FGA: variants seen among roughly 807,000 people sequenced by gnomAD.
FGA encodes fibrinogen, A alpha polypeptide.
In FGA, 20 loss-of-function variants were observed where a neutral mutation model predicts 20.3. That is an observed-to-expected ratio of 0.99 (90% CI 0.69 to 1.43). The LOEUF is 1.43. FGA is among the 40% of genes most tolerant of loss of function. The probability of loss-of-function intolerance (pLI) is 0.00; values close to 1 mark genes in which losing one functional copy is unlikely to be tolerated. For synonymous variants in FGA, 306 were observed against 281.6 expected, an observed-to-expected ratio of 1.09 and a Z score of -0.87; for missense variants, 777 against 784.7, an observed-to-expected ratio of 0.99 and a Z score of 0.12.
chr4:154,586,130 C>A lies in FGA; in HGVS notation c.1299G>T (p.Leu433=). Residue 433 remains leucine (L), a synonymous_variant, in exon 5 of 5, where the codon CTG becomes CTT. Transcript: ENST00000403106. ...GTRREYHTEK[L]VTSKGDKELR... The stretch of plus-strand genomic sequence containing the variant: ...GCTCTTTATCTCCTTTAGAAGTGAC[C>A]AGTTTTTCTGTGTGGTACTCTCTCC... 1 of 1,614,146 alleles carries A rather than the reference C, an allele frequency of 6.2e-7. No homozygotes were observed. Among genetic ancestry groups the A allele is most frequent in the Non-Finnish European group, 8.5e-7 (1 of 1,180,008 alleles).
In FGA at chr4:154,590,689, T is replaced by A. The variant is rs1460173150; in HGVS notation, c.-2A>T. The A allele has an allele frequency of 1.9e-6, 3 of 1,554,938 alleles. No individual in the cohort carries two copies. The South Asian group carries it at 3.6e-5, about 18-fold the overall frequency. ...GCAGACGATCCTCATGGAAAACATCTTTTCTAAGGGTGGGGCTGGCTCCTG... is the reference window on the plus strand; with the variant it reads ...GCAGACGATCCTCATGGAAAACATCATTTCTAAGGGTGGGGCTGGCTCCTG... On this transcript the variant is annotated 5_prime_UTR_variant, in exon 1 of 5. The change creates a new upstream start codon in the 5' untranslated region. Transcript: ENST00000403106.
rs1410172894 is a variant in FGA at position 154,587,670 on chromosome 4, A to G, written c.365-13T>C. ...GTATTATCACGGTCTGAAATCGAAA[A>G]TATGGTTATTGAAGTAGCTGCTGAG... On this transcript the variant is annotated splice_polypyrimidine_tract_variant and intron_variant, in intron 3 of 4. Coordinates refer to ENST00000403106, the MANE Select transcript of FGA (RefSeq NM_021871.4). 1 of 1,612,958 alleles carries G rather than the reference A, an allele frequency of 6.2e-7. No individual in the cohort carries two copies. Among genetic ancestry groups the G allele is most frequent in the East Asian group, 2.2e-5 (1 of 44,860 alleles).
chr4:154,584,437 C>A (rs774280341), downstream of FGA: 2 of 1,614,156 alleles, frequency 1.2e-6, no homozygotes, highest in Non-Finnish European at 1.7e-6. Context: ...CAGAGCATCA[C>A]CCGCAGTGCC....
At chr4:154,587,881 A>C (rs567459765) in intron 3 of FGA, among the ~76,000 whole-genome samples, 16 of 152,272 alleles carry the variant, frequency 1.1e-4, no homozygotes, top group African/African-American at 3.8e-4. Context: ...TGAGTTCAAA[A>C]CCTATGGGGC....
rs1476640443 is a variant in FGA at position 154,589,069 on chromosome 4, C to T, written c.181-93G>A. On this transcript the variant is annotated intron_variant, in intron 2 of 4. Transcript: ENST00000403106. Reference sequence around the variant, plus strand: ...CCATGCAGCCCCCATTTCTTCCTACCCTATCTCTTCCAGATAAGTTGGCTT... The same window carrying T: ...CCATGCAGCCCCCATTTCTTCCTACTCTATCTCTTCCAGATAAGTTGGCTT... 7.8e-6 allele frequency: 9 copies of T among 1,147,614 alleles called. No individual in the cohort carries two copies. In the East Asian group the frequency reaches 2.2e-4, roughly 28 times the overall value. The allele number at this position is 1,147,614 out of a possible 1,614,324, so 71.1% of individuals were successfully genotyped here.
chr4:154,585,347 G>A lies in FGA; in HGVS notation c.*147C>T. 1 of 1,108,252 alleles carries A rather than the reference G, an allele frequency of 9.0e-7. No individual in the cohort carries two copies. The highest frequency in any genetic ancestry group is 1.3e-6 in the Non-Finnish European group (1 of 789,632). The allele number at this position is 1,108,252 out of a possible 1,614,324, so 68.7% of individuals were successfully genotyped here. On this transcript the variant is annotated 3_prime_UTR_variant, in exon 5 of 5. Coordinates refer to ENST00000403106, the MANE Select transcript of FGA (RefSeq NM_021871.4). ...GTTAGGCATTTGGGAATACAGAGAT[G>A]AGACAGACAAAGGCCCTGCCCCCAA...
Position 154,585,621 on chromosome 4 carries a change from A to G in FGA, c.1808T>C (p.Met603Thr). The G allele has an allele frequency of 1.2e-6, 2 of 1,614,156 alleles. No individual in the cohort carries two copies. Among genetic ancestry groups the G allele is most frequent in the Non-Finnish European group, 1.7e-6 (2 of 1,180,022 alleles). The change falls in exon 5 of 5, where the codon ATG becomes ACG. Residue 603 changes from methionine to threonine, a missense_variant. Coordinates refer to ENST00000403106, the MANE Select transcript of FGA (RefSeq NM_021871.4). The part of the protein sequence containing the change: ...DSTFESKSYK[M>T]ADEAGSEADH... The stretch of plus-strand genomic sequence containing the variant: ...GGCTTCACTTCCGGCCTCATCTGCC[A>G]TTTTATAGCTCTTGCTTTCAAATGT...
intron 1 of FGA, among the ~76,000 whole-genome samples, chr4:154,590,288 C>T (rs1316606155): frequency 6.6e-6 from 1 of 152,162 alleles, no homozygotes; most frequent in Non-Finnish European, 1.5e-5. Flanking sequence ...ATGTTTTATT[C>T]CATTAACTAG....
Position 154,585,506 on chromosome 4 carries a change from G to A in FGA, c.1923C>T (p.Ser641=), listed in dbSNP as rs778393751. 3.1e-6 allele frequency: 5 copies of A among 1,595,204 alleles called. No individual in the cohort carries two copies. In the South Asian group the frequency reaches 5.5e-5, roughly 18 times the overall value. ...TATTTAACTTAGTCTAGGGGGACAG[G>A]GAAGGCTTCCCCAAAGGAGAAGTGT... The part of the protein sequence containing the change: ...GIHTSPLGKP[S]LSP Residue 641 remains serine, a synonymous_variant, in exon 5 of 5, where the codon TCC becomes TCT. Transcript: ENST00000403106.
At chr4:154,584,286 T>G (rs752380054), downstream of FGA, 7 of 1,614,136 alleles carry the variant, frequency 4.3e-6, no homozygotes, top group East Asian at 1.3e-4. Flanking sequence ...GATTGGCTGC[T>G]TGGCAGTTAT....
intron 1 of FGA, 77 bp downstream of exon 1, chr4:154,590,557 G>A (rs1730843353): frequency 8.2e-7 from 1 of 1,224,744 alleles, no homozygotes; most frequent in Non-Finnish European, 1.2e-6. Flanking sequence ...CATAGAGCAG[G>A]TAGACTCTGA....
chr4:154,586,013 A>G lies in FGA; in HGVS notation c.1416T>C (p.Pro472=), dbSNP rs1174655836. ...SKTVTKTVIG[P]DGHKEVTKEV... ...CTTTGGTAACTTCTTTGTGACCATC[A>G]GGACCAATAACAGTCTTAGTAACGG... Residue 472 remains proline (P), a synonymous_variant, in exon 5 of 5, where the codon CCT becomes CCC. Transcript: ENST00000403106. 6.2e-7 allele frequency: 1 copy of G among 1,614,190 alleles called. No homozygotes were observed. The highest frequency in any genetic ancestry group is 8.5e-7 in the Non-Finnish European group (1 of 1,180,014).
rs1473392017 is a variant in FGA, at chr4:154,586,600, A to G, written c.829T>C (p.Tyr277His). The change falls in exon 5 of 5, where the codon TAT becomes CAT. Residue 277 changes from tyrosine to histidine, a missense_variant. Tyr to His is a moderately conservative substitution (Grantham distance 83). Coordinates refer to ENST00000403106, the MANE Select transcript of FGA (RefSeq NM_021871.4). ...CTTTCCGTCTCTGATCCGGTTCCATAAGAGGTGGAGCCTCCTCGAGTAATC... is the reference window on the plus strand; with the variant it reads ...CTTTCCGTCTCTGATCCGGTTCCATGAGAGGTGGAGCCTCCTCGAGTAATC... ...NEITRGGSTS[Y>H]GTGSETESPR... 4 of 1,614,002 alleles carry G rather than the reference A, an allele frequency of 2.5e-6. No homozygotes were observed. In the South Asian group the frequency reaches 4.4e-5, roughly 18 times the overall value.
intron 2 of FGA, among the ~76,000 whole-genome samples, chr4:154,589,185 C>T (rs1730810907): frequency 2.0e-5 from 3 of 152,120 alleles, no homozygotes; most frequent in Admixed American, 2.0e-4. Context: ...GAAATTGAGG[C>T]CACAATACTC....
At chr4:154,587,401 A>G (rs1452028075) in intron 4 of FGA, 111 bp downstream of exon 4, 1 of 1,010,294 alleles carries the variant, frequency 9.9e-7, no homozygotes, top group Non-Finnish European at 1.6e-6. Context: ...TAGGTAGATG[A>G]TGGATATAAC....
At chr4:154,585,206 T>C (rs760037154), downstream of FGA, 293 of 1,306,610 alleles carry the variant, frequency 2.2e-4, no homozygotes, top group Non-Finnish European at 2.7e-4. Flanking sequence ...TGGGTGACAA[T>C]TCTAATAGCA....
chr4:154,588,741 G>T, intron 3 of FGA, 52 bp downstream of exon 3: 1 of 1,268,904 alleles, frequency 7.9e-7, no homozygotes, highest in Non-Finnish European at 1.2e-6. Flanking sequence ...ATTTATTTAG[G>T]ATTTTTGTTG....
intron 2 of FGA, 76 bp from the exon 3 acceptor site, chr4:154,589,052 C>T: frequency 7.9e-7 from 1 of 1,272,720 alleles, no homozygotes; most frequent in South Asian, 1.2e-5. Flanking sequence ...TTCCATGCAG[C>T]CCCCATTTCT....
At position 154,586,813 on chromosome 4, in the gene FGA, G is replaced by T; in HGVS notation, c.616C>A (p.Gln206Lys). ...DYEDQQKQLEQVIAKDLLPSR... is the reference protein window; with the variant it reads ...DYEDQQKQLEKVIAKDLLPSR... ...GGAAGTAAGTCTTTGGCAATGACCT[G>T]TTCAAGTTGCTTCTGCTGATCTTCA... The change falls in exon 5 of 5, where the codon CAG becomes AAG. Residue 206 changes from glutamine to lysine, a missense_variant. Physicochemically the swap from Gln to Lys is moderately conservative, Grantham distance 53. Coordinates refer to ENST00000403106, the MANE Select transcript of FGA (RefSeq NM_021871.4). 4.3e-6 allele frequency: 7 copies of T among 1,614,146 alleles called. 1 individual carries two copies. In the South Asian group the frequency reaches 6.6e-5, roughly 15 times the overall value.
Sources: allele counts gnomAD v4.1 joint callset (sites outside exome capture counted in the v4.1 genomes callset), GRCh38; gene constraint gnomAD v4.1.1; transcripts MANE v1.5; gene names NCBI Gene and HGNC (gene_info 2026-07-23, HGNC 2026-07-21).